Variants in UBE2D2 observed in about 807,000 individuals in gnomAD.
The protein encoded by UBE2D2 is ubiquitin-conjugating enzyme E2 D2.
Under a neutral mutation model 24.2 loss-of-function variants are expected in UBE2D2, and 2 were observed. The ratio of observed to expected loss-of-function variants is 0.08; its 90% confidence interval spans 0.03 to 0.26. The LOEUF is 0.26. Among genes scored for constraint, UBE2D2 ranks in the 10% least tolerant of loss-of-function variants. The pLI, the probability that UBE2D2 is intolerant of heterozygous loss-of-function variation, is 1.00. For missense variants in UBE2D2, 44 were observed against 177.6 expected (o/e 0.25, Z 4.28); for synonymous variants, 58 against 56.5 (o/e 1.03, Z -0.12).
chr5:139,600,759 T>C (rs957227062), intron 2 of UBE2D2, among the ~76,000 whole-genome samples: 1 of 152,200 alleles, frequency 6.6e-6, no homozygotes, highest in African/African-American at 2.4e-5. Context: ...TATGTGTGTC[T>C]GTGTCTGACT....
At chr5:139,584,165 T>G (rs1351561879) in intron 1 of UBE2D2, among the ~76,000 whole-genome samples, 4 of 152,152 alleles carry the variant, frequency 2.6e-5, no homozygotes, top group African/African-American at 9.7e-5. Context: ...TTTTTTTACC[T>G]TTTTTTCCTC....
chr5:139,554,345 C>G (rs929704282), intron 1 of UBE2D2, among the ~76,000 whole-genome samples: 1 of 152,140 alleles, frequency 6.6e-6, no homozygotes, highest in African/African-American at 2.4e-5. Context: ...CTGACTCTTT[C>G]CCTGACAAAT....
chr5:139,565,252 A>T (rs1753192631), intron 1 of UBE2D2, among the ~76,000 whole-genome samples: 2 of 152,226 alleles, frequency 1.3e-5, no homozygotes, highest in South Asian at 4.1e-4. Flanking sequence ...ATGTCTGTGA[A>T]TTTGGCAGTC....
intron 1 of UBE2D2, among the ~76,000 whole-genome samples, chr5:139,555,904 G>A (rs1400817711): frequency 1.1e-5 from 1 of 93,388 alleles, no homozygotes; most frequent in Non-Finnish European, 1.9e-5. Flanking sequence ...CCAGCCTGGT[G>A]ACAAAGGAAG....
chr5:139,571,877 T>G (rs1753358613), intron 1 of UBE2D2, among the ~76,000 whole-genome samples: 1 of 151,314 alleles, frequency 6.6e-6, no homozygotes, highest in African/African-American at 2.4e-5. Context: ...ACTTCCAATC[T>G]CTTCTCCACT....
In UBE2D2 at chr5:139,567,529, GTTTTTTTTTT is replaced by G. The variant is rs33998713; in HGVS notation, c.24+5727_24+5736del. On this transcript the variant is annotated intron_variant, in intron 1 of 6. Coordinates refer to ENST00000398733, the MANE Select transcript of UBE2D2 (RefSeq NM_003339.3). ...CCACTGCACCCAGCCAATTTGCTAA[GTTTTTTTTTT>G]TTTTTTTTTTTTGAGATAGAGTCTC... Among the ~76,000 whole-genome samples the G allele has an allele frequency of 2.4e-4, 24 of 100,140 alleles. No individual in the cohort carries two copies. In the East Asian group the frequency reaches 5.4e-3, roughly 22 times the overall value. 65.7% of individuals were successfully genotyped at this position (100,140 alleles called of 152,430 possible).
chr5:139,571,365 C>T (rs1466308244), intron 1 of UBE2D2, among the ~76,000 whole-genome samples: 3 of 150,864 alleles, frequency 2.0e-5, no homozygotes, highest in East Asian at 3.9e-4. Flanking sequence ...CGAGGTCGTG[C>T]CACTGTACTC....
intron 1 of UBE2D2, among the ~76,000 whole-genome samples, chr5:139,546,639 C>A (rs916720777): frequency 6.6e-6 from 1 of 151,752 alleles, no homozygotes; most frequent in African/African-American, 2.4e-5. Flanking sequence ...TGCACCACCA[C>A]GCCCAGCTAA....
chr5:139,536,950 C>T (rs1001683406), intron 1 of UBE2D2, among the ~76,000 whole-genome samples: 3 of 151,968 alleles, frequency 2.0e-5, no homozygotes, highest in Middle Eastern at 3.2e-3. Flanking sequence ...GAGGCCAAGG[C>T]GGGCGGAACA....
intron 5 of UBE2D2, among the ~76,000 whole-genome samples, chr5:139,617,370 A>ATTTT (rs1292231182): frequency 2.1e-4 from 22 of 102,530 alleles, no homozygotes; most frequent in African/African-American, 5.2e-4. Context: ...GTGGTGTGTG[A>ATTTT]TTTTTTTTTT....
chr5:139,604,339 T>C (rs1267925066), intron 2 of UBE2D2, among the ~76,000 whole-genome samples: 2 of 152,108 alleles, frequency 1.3e-5, no homozygotes, highest in East Asian at 1.9e-4. Flanking sequence ...GGTTTCACCA[T>C]GTTGGCCAGG....
chr5:139,627,129 T>C lies in UBE2D2; in HGVS notation c.*328T>C. 3.9e-6 allele frequency: 1 copy of C among 256,446 alleles called. No individual in the cohort carries two copies. The highest frequency in any genetic ancestry group is 7.5e-6 in the Non-Finnish European group (1 of 133,344). The allele number at this position is 256,446 out of a possible 1,614,324, so 15.9% of individuals were successfully genotyped here. A position where few individuals can be genotyped will look rare whatever the true frequency, so the allele number is the denominator to read the frequency against. ...CAAGGTGTGAGGGGGGTGGTGGGTA[T>C]GGTGTGTGCTTGGATGGGAAAGAAA... On this transcript the variant is annotated 3_prime_UTR_variant, in exon 7 of 7. Coordinates refer to ENST00000398733, the MANE Select transcript of UBE2D2 (RefSeq NM_003339.3).
chr5:139,562,023 G>T (rs1753111842), intron 1 of UBE2D2: 5 of 844,074 alleles, frequency 5.9e-6, no homozygotes, highest in Non-Finnish European at 3.4e-6. Flanking sequence ...GTGCTCTCGC[G>T]GCCTCAGCGT....
upstream of UBE2D2, among the ~76,000 whole-genome samples, chr5:139,557,944 A>G (rs1234610726): frequency 6.6e-6 from 1 of 152,096 alleles, no homozygotes; most frequent in Non-Finnish European, 1.5e-5. Context: ...CAAAAAATAA[A>G]TAAAAATTAG....
intron 1 of UBE2D2, among the ~76,000 whole-genome samples, chr5:139,588,198 A>G (rs1753772716): frequency 6.6e-6 from 1 of 151,236 alleles, no homozygotes; most frequent in Admixed American, 6.6e-5. Flanking sequence ...CCTGGCCTCA[A>G]GCAGTCTTAC....
intron 1 of UBE2D2, among the ~76,000 whole-genome samples, chr5:139,587,964 C>T (rs902656659): frequency 3.9e-5 from 6 of 152,072 alleles, no homozygotes; most frequent in Admixed American, 1.3e-4. Flanking sequence ...TAAAGGTGGA[C>T]GCGGTCACCT....
chr5:139,535,306 A>AG (rs1338399731), intron 1 of UBE2D2, among the ~76,000 whole-genome samples: 23 of 150,984 alleles, frequency 1.5e-4, no homozygotes, highest in African/African-American at 5.4e-4. Context: ...AAAAAAAAAA[A>AG]AGAGACTTGC....
At chr5:139,622,121 T>A (rs1754522935) in intron 5 of UBE2D2, among the ~76,000 whole-genome samples, 1 of 152,216 alleles carries the variant, frequency 6.6e-6, no homozygotes, top group Non-Finnish European at 1.5e-5. Context: ...TATCAACTCT[T>A]CTTACATCAT....
intron 1 of UBE2D2, among the ~76,000 whole-genome samples, chr5:139,552,662 C>G (rs527484046): frequency 1.1e-3 from 162 of 145,504 alleles, no homozygotes; most frequent in African/African-American, 3.8e-3. Context: ...GCATGTGCCA[C>G]CACGCTTGGC....
Sources: allele counts gnomAD v4.1 joint callset (sites outside exome capture counted in the v4.1 genomes callset), GRCh38; gene constraint gnomAD v4.1.1; transcripts MANE v1.5; gene names NCBI Gene and HGNC (gene_info 2026-07-23, HGNC 2026-07-21).